CCDC30: variants seen among roughly 807,000 people sequenced by gnomAD.
CCDC30 encodes coiled-coil domain-containing protein 30.
In CCDC30, 70 loss-of-function variants were observed where a neutral mutation model predicts 100.2. The observed-to-expected ratio is 0.70, with a 90% confidence interval of 0.58 to 0.85. CCDC30 has a LOEUF of 0.85. Ranked by LOEUF, CCDC30 falls within the 40% of genes least tolerant of loss-of-function variation. The probability of loss-of-function intolerance (pLI) is 0.00; values close to 1 mark genes in which losing one functional copy is unlikely to be tolerated. For synonymous variants in CCDC30, 233 were observed against 269.5 expected (o/e 0.86, Z 1.33); for missense variants, 652 against 771.2 (o/e 0.85, Z 1.83).
At chr1:42,642,688 C>G in intron 13 of CCDC30, 79 bp downstream of exon 17, 1 of 1,314,286 alleles carries the variant, frequency 7.6e-7, no homozygotes. Flanking sequence ...GTTCTAGAGA[C>G]TGTCCTTTGA....
intron 10 of CCDC30, among the ~76,000 whole-genome samples, chr1:42,609,362 G>A (rs1289444655): frequency 1.3e-5 from 2 of 152,114 alleles, no homozygotes; most frequent in Non-Finnish European, 2.9e-5. Flanking sequence ...CAAAATATGT[G>A]TTAACTGCTT....
At chr1:42,502,772 A>C (rs186266560) in intron 6 of CCDC30, among the ~76,000 whole-genome samples, 1 of 152,340 alleles carries the variant, frequency 6.6e-6, no homozygotes, top group East Asian at 1.9e-4. Context: ...TACATTTTAC[A>C]TAAGTGGAAC....
At chr1:42,501,719 A>G (rs1644315427) in intron 6 of CCDC30, among the ~76,000 whole-genome samples, 1 of 152,076 alleles carries the variant, frequency 6.6e-6, no homozygotes, top group South Asian at 2.1e-4. Flanking sequence ...CTGGAGGTCC[A>G]CTCCAGACCC....
At chr1:42,634,128 G>A (rs937290439) in intron 11 of CCDC30, among the ~76,000 whole-genome samples, 25 of 151,888 alleles carry the variant, frequency 1.6e-4, no homozygotes, top group African/African-American at 5.3e-4. Flanking sequence ...ATAAGATTTC[G>A]GTGAGGAGAT....
chr1:42,474,618 T>C (rs779282073), intron 1 of CCDC30, among the ~76,000 whole-genome samples: 8 of 152,160 alleles, frequency 5.3e-5, no homozygotes, highest in Non-Finnish European at 8.8e-5. Flanking sequence ...ATTTCGGTAG[T>C]CTACTTCTAA....
chr1:42,589,911 C>T (rs568376561), intron 10 of CCDC30: 1 of 156,088 alleles, frequency 6.4e-6, no homozygotes, highest in South Asian at 2.0e-4. Flanking sequence ...TATACTCGTA[C>T]CACTCTGAAT....
intron 6 of CCDC30, among the ~76,000 whole-genome samples, chr1:42,504,597 A>T (rs1198334016): frequency 6.6e-6 from 1 of 152,214 alleles, no homozygotes; most frequent in East Asian, 1.9e-4. Context: ...AAATGTTAAT[A>T]GTGTTAATAT....
At chr1:42,486,828 G>A (rs978023504) in intron 3 of CCDC30, among the ~76,000 whole-genome samples, 3 of 152,124 alleles carry the variant, frequency 2.0e-5, no homozygotes, top group African/African-American at 7.2e-5. Context: ...AATACTATCT[G>A]CCAGTAAAAA....
chr1:42,588,778 G>A (rs1557877272), intron 9 of CCDC30, among the ~76,000 whole-genome samples: 1 of 152,228 alleles, frequency 6.6e-6, no homozygotes, highest in Middle Eastern at 3.4e-3. Context: ...ATCTCTAAGG[G>A]CCTTTCATTC....
chr1:42,458,901 G>A (rs895183809), upstream of CCDC30, among the ~76,000 whole-genome samples: 1 of 152,206 alleles, frequency 6.6e-6, no homozygotes, highest in Non-Finnish European at 1.5e-5. Flanking sequence ...TTCTACCAAT[G>A]CAAGAAATAT....
At chr1:42,490,509 T>C (rs1644121126) in intron 4 of CCDC30, among the ~76,000 whole-genome samples, 1 of 151,394 alleles carries the variant, frequency 6.6e-6, no homozygotes, top group Non-Finnish European at 1.5e-5. Flanking sequence ...AAATAATAAG[T>C]ACTACTACTA....
At chr1:42,476,673 G>A (rs1272364716) in intron 1 of CCDC30, among the ~76,000 whole-genome samples, 1 of 148,866 alleles carries the variant, frequency 6.7e-6, no homozygotes, top group Non-Finnish European at 1.5e-5. Context: ...CTGGGCAAAA[G>A]GAGTGAAACT....
chr1:42,542,014 T>C (rs1219543616), intron 6 of CCDC30, among the ~76,000 whole-genome samples: 1 of 152,238 alleles, frequency 6.6e-6, no homozygotes, highest in African/African-American at 2.4e-5. Flanking sequence ...GCCTATGCTC[T>C]TTCTACCCTA....
intron 6 of CCDC30, among the ~76,000 whole-genome samples, chr1:42,511,243 C>T (rs902098303): frequency 3.3e-5 from 5 of 152,060 alleles, no homozygotes; most frequent in Non-Finnish European, 5.9e-5. Context: ...GGATTAGTCA[C>T]GATTACCCAT....
intron 6 of CCDC30, among the ~76,000 whole-genome samples, chr1:42,517,374 C>T (rs764481170): frequency 6.6e-6 from 1 of 152,240 alleles, no homozygotes; most frequent in Non-Finnish European, 1.5e-5. Flanking sequence ...TGAGCCACCA[C>T]ACTTGGCCAG....
downstream of CCDC30, among the ~76,000 whole-genome samples, chr1:42,657,153 T>C (rs963487419): frequency 4.6e-5 from 7 of 152,220 alleles, no homozygotes; most frequent in Non-Finnish European, 1.0e-4. Context: ...AACTAGGAAA[T>C]AATAACTATT....
intron 6 of CCDC30, among the ~76,000 whole-genome samples, chr1:42,521,781 C>A (rs971712936): frequency 6.6e-6 from 1 of 151,400 alleles, no homozygotes; most frequent in Admixed American, 6.6e-5. Flanking sequence ...CTATATTGAG[C>A]CTTTTATTAA....
intron 6 of CCDC30, among the ~76,000 whole-genome samples, chr1:42,502,126 C>T (rs1011403357): frequency 6.6e-6 from 1 of 152,314 alleles, no homozygotes; most frequent in African/African-American, 2.4e-5. Flanking sequence ...TTCCCGGCTT[C>T]TTTGTTTACC....
intron 6 of CCDC30, among the ~76,000 whole-genome samples, chr1:42,514,338 A>T (rs567151117): frequency 1.3e-5 from 2 of 152,312 alleles, no homozygotes; most frequent in Admixed American, 1.3e-4. Context: ...TCCAATGAAG[A>T]TGTACTATTT....
Sources: gnomAD v4.1 joint callset for allele counts (sites outside exome capture counted in the v4.1 genomes callset) on GRCh38, gnomAD v4.1.1 for gene constraint, MANE v1.5 for transcripts, NCBI Gene and HGNC (gene_info 2026-07-23, HGNC 2026-07-21) for gene names.